SNX11: variants seen among roughly 807,000 people sequenced by gnomAD.
The protein encoded by SNX11 is sorting nexin 11, also known as sorting nexin-11.
A neutral mutation model predicts 30.7 loss-of-function variants in SNX11; 19 were observed. The observed-to-expected ratio is 0.62, with a 90% CI of 0.43 to 0.91. The LOEUF is 0.91. SNX11 is among the 40% of genes least tolerant of loss of function. The pLI is 0.00. For synonymous variants in SNX11, 112 were observed against 119.0 expected (o/e 0.94, Z 0.38); for missense variants, 302 against 326.7 (o/e 0.92, Z 0.58).
chr17:48,110,796 T>C (rs2063484177), intron 1 of SNX11: 1 of 152,628 alleles, frequency 6.6e-6, no homozygotes, highest in Non-Finnish European at 1.5e-5. Context: ...TTAAACCTTA[T>C]TGTTTCTCTC....
At chr17:48,115,277 G>T (rs1408106610) in intron 4 of SNX11, among the ~76,000 whole-genome samples, 1 of 151,302 alleles carries the variant, frequency 6.6e-6, no homozygotes, top group Non-Finnish European at 1.5e-5. Context: ...AGCCAGGCTG[G>T]TCTCGAACTC....
rs757436318 is a variant in SNX11, at chr17:48,119,031, C to T, written c.384C>T (p.Ser128=). 1 of 1,614,092 alleles carries T rather than the reference C, an allele frequency of 6.2e-7. No homozygotes were observed. Among genetic ancestry groups the T allele is most frequent in the East Asian group, 2.2e-5 (1 of 44,878 alleles). The change falls in exon 6 of 7, where the codon AGC becomes AGT. Residue 128 remains serine, a synonymous_variant. Coordinates refer to ENST00000359238, the MANE Select transcript of SNX11 (RefSeq NM_013323.3). Reference sequence around the variant, plus strand: ...GCCAGTTGCACCTATTCCTGCAAAGCCAGCTCTCGGTGCCTGAGATAGAAG... The same window carrying T: ...GCCAGTTGCACCTATTCCTGCAAAGTCAGCTCTCGGTGCCTGAGATAGAAG... ...SDSQLHLFLQ[S]QLSVPEIEAC... is the part of the protein sequence containing the mutation.
chr17:48,113,476 A>G (rs1419294713), intron 4 of SNX11, 75 bp downstream of exon 4: 2 of 988,362 alleles, frequency 2.0e-6, no homozygotes, highest in Non-Finnish European at 3.3e-6. Flanking sequence ...GGAGTTGACA[A>G]TGAAGAGAAC....
At position 48,113,376 on chromosome 17, in the gene SNX11, C is replaced by G; in HGVS notation, c.205C>G (p.Gln69Glu). 6.2e-7 allele frequency: 1 copy of G among 1,613,506 alleles called. No individual in the cohort carries two copies. Among genetic ancestry groups the G allele is most frequent in the Non-Finnish European group, 8.5e-7 (1 of 1,179,626 alleles). The change falls in exon 4 of 7, where the codon CAG becomes GAG. Residue 69 changes from glutamine (Q) to glutamate (E), a missense_variant. By Grantham distance (29) the Gln-to-Glu change is conservative (BLOSUM62 2). Coordinates refer to ENST00000359238, the MANE Select transcript of SNX11 (RefSeq NM_013323.3). ...RYREFVWLRK[Q>E]LQRNAGLVPV... is the part of the protein sequence containing the mutation. Reference sequence around the variant, plus strand: ...CCGTGAGTTCGTGTGGCTGAGAAAGCAGCTACAGAGAAATGCTGGTTTGGT... The same window carrying G: ...CCGTGAGTTCGTGTGGCTGAGAAAGGAGCTACAGAGAAATGCTGGTTTGGT...
intron 1 of SNX11, among the ~76,000 whole-genome samples, chr17:48,109,324 A>G (rs2063467415): frequency 6.9e-6 from 1 of 145,556 alleles, no homozygotes; most frequent in South Asian, 2.2e-4. Flanking sequence ...CAGTGGTGCG[A>G]TCTCGGCTCA....
In SNX11 at chr17:48,114,674, GT is replaced by G. The variant is rs1300308812; in HGVS notation, c.230+1281del. 4.4e-5 allele frequency among the ~76,000 whole-genome samples: 5 copies of G among 112,878 alleles called. No homozygotes were observed. The Admixed American group carries it at 4.6e-4, about 10-fold the overall frequency. 74.1% of individuals were successfully genotyped at this position (112,878 alleles called of 152,430 possible). ...GGTTTTACCATCTTGGCCAGGCTGG[GT>G]TTTTTTTGCTTTTTTTTTTTTTTTT... is the stretch of plus-strand genomic sequence containing the variant. On this transcript the variant is annotated intron_variant, in intron 4 of 6. Transcript: ENST00000359238.
chr17:48,111,112 C>T (rs1018096668), intron 1 of SNX11: 67 of 985,244 alleles, frequency 6.8e-5, no homozygotes, highest in Admixed American at 1.8e-4. Context: ...AACCGGATGG[C>T]ATGTCAGGAG....
chr17:48,114,639 G>A (rs1187012237), intron 4 of SNX11, among the ~76,000 whole-genome samples: 1 of 148,988 alleles, frequency 6.7e-6, no homozygotes, highest in Non-Finnish European at 1.5e-5. Context: ...TGTATTTTTA[G>A]TGGAGGTGGG....
chr17:48,114,198 G>A lies in SNX11; in HGVS notation c.230+797G>A, dbSNP rs530523671. Reference sequence around the variant, plus strand: ...TTTTTTTTTTTTGAGACTGAGTTTTGCTCTTGTTGCCTGGGTGCGATCTCG... The same window carrying A: ...TTTTTTTTTTTTGAGACTGAGTTTTACTCTTGTTGCCTGGGTGCGATCTCG... On this transcript the variant is annotated intron_variant, in intron 4 of 6. Coordinates refer to ENST00000359238, the MANE Select transcript of SNX11 (RefSeq NM_013323.3). Among the ~76,000 whole-genome samples the A allele has an allele frequency of 1.4e-3, 185 of 136,938 alleles. 1 individual carries two copies. The highest frequency in any genetic ancestry group is 2.2e-3 in the Admixed American group (29 of 12,976). 89.8% of individuals were successfully genotyped at this position (136,938 alleles called of 152,430 possible).
At chr17:48,116,296 A>G (rs1242573526) in intron 4 of SNX11, among the ~76,000 whole-genome samples, 1 of 152,184 alleles carries the variant, frequency 6.6e-6, no homozygotes, top group African/African-American at 2.4e-5. Flanking sequence ...GAGCCTCAGC[A>G]GCCTCAAACG....
intron 1 of SNX11, among the ~76,000 whole-genome samples, chr17:48,111,326 G>A (rs997622376): frequency 7.9e-5 from 12 of 152,104 alleles, no homozygotes; most frequent in Admixed American, 3.3e-4. Context: ...TAAACAGCCG[G>A]GAGGGGGTGC....
At chr17:48,113,193 G>A (rs1443578214) in intron 3 of SNX11, 108 bp from the exon 4 acceptor site, 2 of 904,012 alleles carry the variant, frequency 2.2e-6, no homozygotes, top group Non-Finnish European at 3.6e-6. Flanking sequence ...GATCAGGTCT[G>A]TGGCCTGATG....
chr17:48,118,581 A>G (rs1182934449), intron 4 of SNX11, 123 bp from the exon 5 acceptor site: 2 of 633,416 alleles, frequency 3.2e-6, no homozygotes, highest in Non-Finnish European at 5.3e-6. Context: ...CCATCTCAAA[A>G]AAAAAAAAAA....
chr17:48,108,526 A>G (rs553828517), intron 1 of SNX11, among the ~76,000 whole-genome samples: 3 of 152,312 alleles, frequency 2.0e-5, no homozygotes, highest in African/African-American at 7.2e-5. Flanking sequence ...TAAATGGGAG[A>G]GAAAATAAAT....
At chr17:48,118,857 T>C (rs1480392057) in intron 5 of SNX11, 58 bp downstream of exon 5, 2 of 1,568,790 alleles carry the variant, frequency 1.3e-6, no homozygotes, top group African/African-American at 1.4e-5. Flanking sequence ...GGTGGAGGAA[T>C]GTGCCAGGCA....
chr17:48,120,507 C>CTTTTTTTT (rs71141968), intron 6 of SNX11, among the ~76,000 whole-genome samples: 1 of 69,536 alleles, frequency 1.4e-5, no homozygotes, highest in Non-Finnish European at 2.4e-5. Context: ...CGCACCTGGC[C>CTTTTTTTT]TTTTTTTTTT....
chr17:48,120,455 G>A (rs1428985382), intron 6 of SNX11, among the ~76,000 whole-genome samples: 4 of 136,992 alleles, frequency 2.9e-5, no homozygotes, highest in East Asian at 4.6e-4. Flanking sequence ...TGATCCACCC[G>A]TTTCAGCCTC....
In SNX11 at chr17:48,112,049, C is replaced by A. The variant is rs968427697; in HGVS notation, c.6C>A (p.Gly2=). ...TCATCAGATGTTTCCTTCCAATGGG[C>A]TTTTGGTGTAGGATGTCGGAGAACC... The part of the protein sequence containing the change: M[G]FWCRMSENQE... Residue 2 remains glycine (G), a synonymous_variant, in exon 2 of 7, where the codon GGC becomes GGA. Coordinates refer to ENST00000359238, the MANE Select transcript of SNX11 (RefSeq NM_013323.3). 60 of 1,613,272 alleles carry A rather than the reference C, an allele frequency of 3.7e-5. No homozygotes were observed. The highest frequency in any genetic ancestry group is 5.0e-5 in the Non-Finnish European group (59 of 1,179,372).
In SNX11 at chr17:48,119,158, C is replaced by A. The variant is rs763490339; in HGVS notation, c.511C>A (p.His171Asn). The A allele has an allele frequency of 6.2e-7, 1 of 1,613,880 alleles. No homozygotes were observed. Among genetic ancestry groups the A allele is most frequent in the Admixed American group, 1.7e-5 (1 of 60,008 alleles). ...CCAGGAAGAGAGGCAGAGCTCTTCT[C>A]ACCTGGCTAAAGGAGACCAGCCTAA... ...WAQEERQSSS[H>N]LAKGDQPKSC... The change falls in exon 6 of 7, where the codon CAC becomes AAC. Residue 171 changes from histidine (H) to asparagine (N), a missense_variant. Transcript: ENST00000359238.
Sources: gnomAD v4.1 joint callset for allele counts (sites outside exome capture counted in the v4.1 genomes callset) on GRCh38, gnomAD v4.1.1 for gene constraint, MANE v1.5 for transcripts, NCBI Gene and HGNC (gene_info 2026-07-23, HGNC 2026-07-21) for gene names.